Variants in DNAJC1 observed in about 807,000 individuals in gnomAD.
DNAJC1 encodes the protein DnaJ heat shock protein family (Hsp40) member C1, also known as dnaJ homolog subfamily C member 1.
DNAJC1 carries 58 observed loss-of-function variants against 76.6 expected under a neutral mutation model. The ratio of observed to expected loss-of-function variants is 0.76; its 90% CI spans 0.61 to 0.94. The LOEUF (loss-of-function observed/expected upper bound fraction) is 0.94. Among genes scored for constraint, DNAJC1 ranks in the 40% least tolerant of loss-of-function variants. The pLI is 0.00. For synonymous variants in DNAJC1, 258 were observed against 267.9 expected, an observed-to-expected ratio of 0.96 and a Z score of 0.36; for missense variants, 689 against 677.3, an observed-to-expected ratio of 1.02 and a Z score of -0.19.
intron 1 of DNAJC1, among the ~76,000 whole-genome samples, chr10:21,961,932 T>C (rs1837798873): frequency 6.6e-6 from 1 of 152,120 alleles, no homozygotes; most frequent in Admixed American, 6.5e-5. Flanking sequence ...TTTGGGCATA[T>C]CATCATGGCC....
intron 6 of DNAJC1, among the ~76,000 whole-genome samples, chr10:21,912,545 G>A (rs1241199413): frequency 2.6e-5 from 4 of 151,990 alleles, no homozygotes; most frequent in Non-Finnish European, 5.9e-5. Context: ...AGTAGTTTCA[G>A]CTTATAAAAA....
chr10:21,932,124 C>T (rs1020239454), intron 1 of DNAJC1, among the ~76,000 whole-genome samples: 5 of 152,054 alleles, frequency 3.3e-5, no homozygotes, highest in African/African-American at 9.7e-5. Context: ...ATCACTTGAG[C>T]CCAAGAGTTT....
At chr10:21,866,322 T>C (rs186359557) in intron 8 of DNAJC1, among the ~76,000 whole-genome samples, 12 of 151,750 alleles carry the variant, frequency 7.9e-5, no homozygotes, top group Non-Finnish European at 1.5e-4. Context: ...ACACTTAACA[T>C]ATAAGAAACA....
At chr10:21,929,870 A>G (rs1183254198) in intron 1 of DNAJC1, among the ~76,000 whole-genome samples, 2 of 152,260 alleles carry the variant, frequency 1.3e-5, no homozygotes, top group African/African-American at 2.4e-5. Context: ...AGTGGATATT[A>G]AAATTACATT....
chr10:21,760,227 C>T (rs1012704606), intron 10 of DNAJC1, among the ~76,000 whole-genome samples: 1 of 152,126 alleles, frequency 6.6e-6, no homozygotes, highest in Non-Finnish European at 1.5e-5. Flanking sequence ...AGGCTGCAGT[C>T]AGCTATGATC....
chr10:21,815,347 T>C (rs530762961), intron 8 of DNAJC1, among the ~76,000 whole-genome samples: 2 of 152,322 alleles, frequency 1.3e-5, no homozygotes, highest in African/African-American at 2.4e-5. Context: ...CAAACTGCAA[T>C]AGATGTCCTC....
intron 1 of DNAJC1, among the ~76,000 whole-genome samples, chr10:21,995,409 C>T (rs1002999586): frequency 6.6e-6 from 1 of 152,144 alleles, no homozygotes; most frequent in Non-Finnish European, 1.5e-5. Context: ...CCTTCTATAA[C>T]CAGGAGTTGT....
At chr10:21,805,031 C>G (rs1447242714) in intron 9 of DNAJC1, among the ~76,000 whole-genome samples, 2 of 152,002 alleles carry the variant, frequency 1.3e-5, no homozygotes. Flanking sequence ...AAGTAACTTA[C>G]AGCATTTATA....
chr10:21,954,587 C>T (rs753538526), intron 1 of DNAJC1, among the ~76,000 whole-genome samples: 35 of 152,172 alleles, frequency 2.3e-4, no homozygotes, highest in Non-Finnish European at 4.6e-4. Context: ...AACTTAGTAA[C>T]TCTCAACAAC....
At chr10:21,904,634 T>C in intron 6 of DNAJC1, 22 bp from the exon 7 acceptor site, 1 of 1,423,144 alleles carries the variant, frequency 7.0e-7, no homozygotes, top group East Asian at 2.3e-5. Flanking sequence ...AAGTTATACA[T>C]AAATTAACAT....
intron 1 of DNAJC1, 67 bp downstream of exon 1, chr10:22,003,146 A>G: frequency 7.2e-7 from 1 of 1,398,284 alleles, no homozygotes; most frequent in Non-Finnish European, 9.3e-7. Context: ...GCTGTCTCTG[A>G]GGAACCGGGT....
chr10:21,826,565 C>T lies in DNAJC1; in HGVS notation c.979-20466G>A, dbSNP rs145663072. On this transcript the variant is annotated intron_variant, in intron 8 of 11. Coordinates refer to ENST00000376980, the MANE Select transcript of DNAJC1 (RefSeq NM_022365.4). Reference sequence around the variant, plus strand: ...GCCCAAGCTTTTGCTGTCATATACACGAAAACTTGCCAATTGCAATGTCAA... The same window carrying T: ...GCCCAAGCTTTTGCTGTCATATACATGAAAACTTGCCAATTGCAATGTCAA... Among the ~76,000 whole-genome samples the T allele has an allele frequency of 2.3e-3, 346 of 152,288 alleles. 1 individual carries two copies. Among genetic ancestry groups the T allele is most frequent in the Non-Finnish European group, 3.7e-3 (249 of 68,020 alleles).
chr10:21,801,044 C>T (rs1834807686), intron 9 of DNAJC1, among the ~76,000 whole-genome samples: 1 of 152,120 alleles, frequency 6.6e-6, no homozygotes, highest in Non-Finnish European at 1.5e-5. Context: ...GAACAAATAT[C>T]TTAACAGCAG....
intron 1 of DNAJC1, among the ~76,000 whole-genome samples, chr10:21,973,915 C>A (rs1173452333): frequency 6.6e-6 from 1 of 151,494 alleles, no homozygotes; most frequent in African/African-American, 2.4e-5. Flanking sequence ...CCAGACTGGG[C>A]AACATGGTGT....
intron 8 of DNAJC1, among the ~76,000 whole-genome samples, chr10:21,816,971 A>G (rs1406218854): frequency 2.7e-5 from 4 of 146,548 alleles, no homozygotes; most frequent in East Asian, 2.1e-4. Context: ...TGGCTAACAC[A>G]GTGAAACCCC....
intron 8 of DNAJC1, among the ~76,000 whole-genome samples, chr10:21,829,775 T>A (rs1194581450): frequency 6.6e-6 from 1 of 152,270 alleles, no homozygotes; most frequent in Non-Finnish European, 1.5e-5. Context: ...AATTATAGCC[T>A]ATTTTCATTT....
chr10:21,813,223 T>TAG (rs2131647952), intron 8 of DNAJC1, among the ~76,000 whole-genome samples: 1 of 80,470 alleles, frequency 1.2e-5, no homozygotes, highest in African/African-American at 5.0e-5. Flanking sequence ...TCTCTCTCTA[T>TAG]ATATATATAT....
intron 8 of DNAJC1, among the ~76,000 whole-genome samples, chr10:21,824,044 T>C (rs1373840416): frequency 2.6e-5 from 4 of 152,168 alleles, no homozygotes; most frequent in East Asian, 3.8e-4. Context: ...GCCTGACACA[T>C]AGCAGGCTTA....
At chr10:21,867,190 A>G (rs1171153680) in intron 8 of DNAJC1, among the ~76,000 whole-genome samples, 1 of 152,112 alleles carries the variant, frequency 6.6e-6, no homozygotes, top group African/African-American at 2.4e-5. Context: ...CAAGCATACA[A>G]TATACAGACT....
Sources: gnomAD v4.1 joint callset for allele counts (sites outside exome capture counted in the v4.1 genomes callset) on GRCh38, gnomAD v4.1.1 for gene constraint, MANE v1.5 for transcripts, NCBI Gene and HGNC (gene_info 2026-07-23, HGNC 2026-07-21) for gene names.